CNTNAP5: variants seen among roughly 807,000 people sequenced by gnomAD.
CNTNAP5 encodes contactin-associated protein-like 5.
In CNTNAP5, 72 loss-of-function variants were observed where a neutral mutation model predicts 150.2. The ratio of observed to expected loss-of-function variants is 0.48; its 90% CI spans 0.40 to 0.58. CNTNAP5 has a LOEUF of 0.58. Ranked by LOEUF, CNTNAP5 falls within the 20% of genes least tolerant of loss-of-function variation. CNTNAP5 has a pLI of 0.00. For synonymous variants in CNTNAP5, 672 were observed against 619.8 expected (o/e 1.08, Z -1.25); for missense variants, 1,636 against 1,626.2 (o/e 1.01, Z -0.10).
Position 124,829,668 on chromosome 2 carries a change from CTA to C in CNTNAP5, c.3217+31350_3217+31351del, listed in dbSNP as rs374656571. ...TTTGCATATTTTTTCATTAATTGTA[CTA>C]TGTTTTTTCCTTTTTAGTATCCATA... On this transcript the variant is annotated intron_variant, in intron 19 of 23. Transcript: ENST00000682447. Among the ~76,000 whole-genome samples, 152 of 151,536 alleles carry C rather than the reference CTA, an allele frequency of 1.0e-3. 2 individuals carry two copies. Among genetic ancestry groups the C allele is most frequent in the African/African-American group, 3.5e-3 (144 of 41,384 alleles).
rs191544573 is a variant in CNTNAP5, at chr2:124,281,421, A to C, written c.381+39028A>C. ...TGGCACTCGGAGATTTTGCAAAAAG[A>C]GTATTCTAAATTGCTGTTCAGTAAA... On this transcript the variant is annotated intron_variant, in intron 3 of 23. Transcript: ENST00000682447. 2.6e-5 allele frequency among the ~76,000 whole-genome samples: 4 copies of C among 152,204 alleles called. No homozygotes were observed. The East Asian group carries it at 7.7e-4, about 29-fold the overall frequency.
chr2:124,565,574 CTTTTTTTTTTTTTTTTTTTTTTTTTT>C (rs776732335), intron 11 of CNTNAP5, among the ~76,000 whole-genome samples: 2 of 68,438 alleles, frequency 2.9e-5, no homozygotes, highest in South Asian at 7.8e-4. Flanking sequence ...TACCTAGATC[CTTTTTTTTTTTTTTTTTTTTTTTTTT>C]TTTTTTTTTT....
intron 8 of CNTNAP5, among the ~76,000 whole-genome samples, chr2:124,505,394 G>A (rs1215842321): frequency 6.6e-6 from 1 of 152,038 alleles, no homozygotes; most frequent in Non-Finnish European, 1.5e-5. Flanking sequence ...TACCATGGAA[G>A]TTTGTATAAC....
chr2:124,634,182 G>T (rs368708807), intron 12 of CNTNAP5, among the ~76,000 whole-genome samples: 1 of 152,170 alleles, frequency 6.6e-6, no homozygotes, highest in Non-Finnish European at 1.5e-5. Flanking sequence ...ACATGGCCAG[G>T]CTGCAAATTT....
chr2:124,867,201 T>C (rs1168945221), intron 20 of CNTNAP5, among the ~76,000 whole-genome samples: 2 of 152,134 alleles, frequency 1.3e-5, no homozygotes, highest in African/African-American at 4.8e-5. Flanking sequence ...TAAGAACTAA[T>C]ATACAGACAA....
intron 1 of CNTNAP5, among the ~76,000 whole-genome samples, chr2:124,071,586 C>A (rs1434165951): frequency 6.6e-6 from 1 of 151,714 alleles, no homozygotes; most frequent in Non-Finnish European, 1.5e-5. Context: ...AGTGACTATA[C>A]ATCAATAAAT....
chr2:124,544,368 T>C (rs996027022), intron 10 of CNTNAP5, among the ~76,000 whole-genome samples: 5 of 152,118 alleles, frequency 3.3e-5, no homozygotes, highest in African/African-American at 9.7e-5. Flanking sequence ...TAACATCAGA[T>C]ATGTAAAGAA....
At chr2:124,823,952 CTT>C (rs1365032026) in intron 19 of CNTNAP5, among the ~76,000 whole-genome samples, 3 of 143,946 alleles carry the variant, frequency 2.1e-5, no homozygotes, top group Non-Finnish European at 3.0e-5. Context: ...GAGTTTTACT[CTT>C]GTTTCCCAGG....
At chr2:124,887,150 C>T (rs1325452123) in intron 21 of CNTNAP5, among the ~76,000 whole-genome samples, 1 of 152,006 alleles carries the variant, frequency 6.6e-6, no homozygotes, top group East Asian at 1.9e-4. Flanking sequence ...GTGACTGAAG[C>T]TGTGTAAGCT....
At chr2:124,361,637 G>C (rs6724736) in intron 3 of CNTNAP5, among the ~76,000 whole-genome samples, 104,340 of 129,950 alleles carry the variant, frequency 0.8, 43,185 homozygotes, top group African/African-American at 0.95. Context: ...CAGGGGTCAG[G>C]GACCCACTTG....
intron 11 of CNTNAP5, among the ~76,000 whole-genome samples, chr2:124,598,785 C>G (rs1202364583): frequency 6.6e-6 from 1 of 152,174 alleles, no homozygotes; most frequent in Non-Finnish European, 1.5e-5. Context: ...GCTGTCCTAG[C>G]AATCAGCGAG....
At chr2:124,193,796 A>C (rs1034029332) in intron 1 of CNTNAP5, among the ~76,000 whole-genome samples, 2 of 152,032 alleles carry the variant, frequency 1.3e-5, no homozygotes, top group African/African-American at 4.8e-5. Flanking sequence ...TCCAGACCTG[A>C]GGTTTGACTC....
intron 4 of CNTNAP5, among the ~76,000 whole-genome samples, chr2:124,419,946 T>TCC (rs1692047984): frequency 7.9e-6 from 1 of 126,844 alleles, no homozygotes; most frequent in Non-Finnish European, 1.6e-5. Context: ...CTTTCTTTCT[T>TCC]TCTTTCTTTC....
At chr2:124,838,778 C>A (rs1312551034) in intron 19 of CNTNAP5, among the ~76,000 whole-genome samples, 1 of 152,112 alleles carries the variant, frequency 6.6e-6, no homozygotes, top group African/African-American at 2.4e-5. Context: ...ATTGATTCTT[C>A]CCCTGTTGTG....
intron 3 of CNTNAP5, among the ~76,000 whole-genome samples, chr2:124,327,786 G>A (rs1332237363): frequency 6.6e-6 from 1 of 152,048 alleles, no homozygotes; most frequent in Admixed American, 6.5e-5. Flanking sequence ...TGTATTTATT[G>A]ATGTCTCATG....
intron 1 of CNTNAP5, among the ~76,000 whole-genome samples, chr2:124,073,195 C>T (rs372173183): frequency 6.6e-5 from 10 of 151,956 alleles, no homozygotes; most frequent in East Asian, 3.9e-4. Flanking sequence ...CCTCACCATA[C>T]GCAAAAAATC....
intron 13 of CNTNAP5, among the ~76,000 whole-genome samples, chr2:124,703,446 A>G (rs1487788726): frequency 6.6e-6 from 1 of 152,172 alleles, no homozygotes; most frequent in East Asian, 1.9e-4. Flanking sequence ...CCTCTGATCC[A>G]ATAGTGATAC....
chr2:124,561,279 C>T (rs1199552513), intron 10 of CNTNAP5, among the ~76,000 whole-genome samples: 1 of 152,136 alleles, frequency 6.6e-6, no homozygotes, highest in Non-Finnish European at 1.5e-5. Context: ...CGTGTGGGGA[C>T]AGGGGGCATT....
At chr2:124,176,901 A>G (rs1685080561) in intron 1 of CNTNAP5, among the ~76,000 whole-genome samples, 1 of 139,886 alleles carries the variant, frequency 7.1e-6, no homozygotes, top group Non-Finnish European at 1.5e-5. Flanking sequence ...GCGGAGTGCA[A>G]TGGCATGATC....
Sources: gnomAD v4.1 joint callset for allele counts (sites outside exome capture counted in the v4.1 genomes callset) on GRCh38, gnomAD v4.1.1 for gene constraint, MANE v1.5 for transcripts, NCBI Gene and HGNC (gene_info 2026-07-23, HGNC 2026-07-21) for gene names.